The following DNM3 variants were observed in gnomAD, a reference collection of about 807,000 sequenced individuals.
The protein encoded by DNM3 is dynamin-3.
Under a neutral mutation model 101.6 loss-of-function variants are expected in DNM3, and 47 were observed. That is an observed-to-expected ratio of 0.46 (90% CI 0.37 to 0.59). The LOEUF (loss-of-function observed/expected upper bound fraction) is 0.59, where lower values mean the gene tolerates loss of function less well. Among genes scored for constraint, DNM3 ranks in the 20% least tolerant of loss-of-function variants. The pLI is 0.00. For synonymous variants in DNM3, 385 were observed against 387.9 expected (o/e 0.99, Z 0.09); for missense variants, 849 against 1,085.7 (o/e 0.78, Z 3.06).
chr1:172,160,094 G>A (rs1332804042), intron 14 of DNM3, among the ~76,000 whole-genome samples: 2 of 151,876 alleles, frequency 1.3e-5, no homozygotes, highest in Non-Finnish European at 2.9e-5. Context: ...CCTGTAAAGG[G>A]CGTTTACTAT....
intron 1 of DNM3, among the ~76,000 whole-genome samples, chr1:171,873,575 TC>T (rs2035489564): frequency 6.6e-6 from 1 of 152,008 alleles, no homozygotes; most frequent in African/African-American, 2.4e-5. Context: ...ATCAGGCATG[TC>T]CAAGAAGAAG....
At chr1:171,901,487 A>G (rs1242232270) in intron 1 of DNM3, among the ~76,000 whole-genome samples, 1 of 152,146 alleles carries the variant, frequency 6.6e-6, no homozygotes, top group East Asian at 1.9e-4. Flanking sequence ...ATTACAGAGG[A>G]GGAGCAAGGA....
chr1:172,157,778 G>A (rs1016430639), intron 14 of DNM3, among the ~76,000 whole-genome samples: 1 of 151,940 alleles, frequency 6.6e-6, no homozygotes, highest in Admixed American at 6.6e-5. Flanking sequence ...ATGTACATAG[G>A]TTGTATGCAA....
chr1:172,250,070 T>C (rs1465825265), intron 14 of DNM3, among the ~76,000 whole-genome samples: 1 of 152,144 alleles, frequency 6.6e-6, no homozygotes, highest in African/African-American at 2.4e-5. Context: ...CACATAAATT[T>C]TCAAATGTAA....
intron 2 of DNM3, among the ~76,000 whole-genome samples, chr1:171,954,839 A>G (rs750873716): frequency 2.0e-5 from 3 of 152,234 alleles, no homozygotes; most frequent in Non-Finnish European, 4.4e-5. Flanking sequence ...ACATTGTGTT[A>G]TGCAATTTTT....
chr1:172,409,282 C>T lies in DNM3; in HGVS notation c.*1441C>T. 1 of 985,314 alleles carries T rather than the reference C, an allele frequency of 1.0e-6. No individual in the cohort carries two copies. Among genetic ancestry groups the T allele is most frequent in the Non-Finnish European group, 1.2e-6 (1 of 829,862 alleles). The allele number at this position is 985,314 out of a possible 1,614,324, so 61.0% of individuals were successfully genotyped here. On this transcript the variant is annotated 3_prime_UTR_variant, in exon 21 of 21. Coordinates refer to ENST00000627582, the MANE Select transcript of DNM3 (RefSeq NM_015569.5). ...TCAGGTTTCACCAACTGAAATGTCT[C>T]CCTTTGAAAGTAGCAAACATGATTT...
At position 171,841,627 on chromosome 1, in the gene DNM3, G is replaced by T; in HGVS notation, c.-30G>T. The T allele has an allele frequency of 1.3e-6, 2 of 1,596,568 alleles. No individual in the cohort carries two copies. Among genetic ancestry groups the T allele is most frequent in the South Asian group, 1.1e-5 (1 of 87,936 alleles). ...CTGTCAGGTCGTAGAGGCGAGCAGG[G>T]ACCAGCTGGTCGCCGGCCCCTCGGG... On this transcript the variant is annotated 5_prime_UTR_variant, in exon 1 of 21. Coordinates refer to ENST00000627582, the MANE Select transcript of DNM3 (RefSeq NM_015569.5).
intron 14 of DNM3, among the ~76,000 whole-genome samples, chr1:172,235,536 C>T (rs2061505919): frequency 1.3e-5 from 2 of 152,100 alleles, no homozygotes; most frequent in South Asian, 4.1e-4. Context: ...GCTGTAAAGA[C>T]ACAGGCAGAC....
chr1:172,286,326 C>T (rs2063701254), intron 15 of DNM3, among the ~76,000 whole-genome samples: 1 of 152,140 alleles, frequency 6.6e-6, no homozygotes, highest in South Asian at 2.1e-4. Flanking sequence ...ATGAGACAGA[C>T]TGAGAATAAT....
At chr1:172,207,695 A>G (rs1005861453) in intron 14 of DNM3, among the ~76,000 whole-genome samples, 1 of 152,116 alleles carries the variant, frequency 6.6e-6, no homozygotes, top group Admixed American at 6.6e-5. Flanking sequence ...TTATTAATGA[A>G]TGCTTAGATT....
rs915800173 is a variant in DNM3, at chr1:172,354,016, A to G, written c.1894-25002A>G. On this transcript the variant is annotated intron_variant, in intron 17 of 20. Coordinates refer to ENST00000627582, the MANE Select transcript of DNM3 (RefSeq NM_015569.5). The stretch of plus-strand genomic sequence containing the variant: ...CTCGTGGTTCACGGAGAGCTTTGTA[A>G]GGATCAGTAACTTCTCCGAAATAGG... Among the ~76,000 whole-genome samples the G allele has an allele frequency of 2.0e-5, 3 of 151,060 alleles. No individual in the cohort carries two copies. In the East Asian group the frequency reaches 5.9e-4, roughly 30 times the overall value.
intron 14 of DNM3, among the ~76,000 whole-genome samples, chr1:172,221,442 T>A (rs1317403627): frequency 1.3e-5 from 2 of 152,120 alleles, no homozygotes; most frequent in African/African-American, 2.4e-5. Flanking sequence ...AATACCATAG[T>A]CTAGGTGGTG....
intron 2 of DNM3, among the ~76,000 whole-genome samples, chr1:171,962,151 A>T (rs1020444341): frequency 6.6e-6 from 1 of 152,212 alleles, no homozygotes; most frequent in Non-Finnish European, 1.5e-5. Context: ...CCATGAATCC[A>T]TTAATCCAAG....
intron 17 of DNM3, among the ~76,000 whole-genome samples, chr1:172,371,221 G>A (rs1227337920): frequency 3.9e-5 from 6 of 151,902 alleles, no homozygotes; most frequent in Admixed American, 3.9e-4. Flanking sequence ...AAATGTCAGG[G>A]CTGACAACTG....
downstream of DNM3, among the ~76,000 whole-genome samples, chr1:172,413,657 A>C (rs950159305): frequency 1.3e-5 from 2 of 152,228 alleles, no homozygotes; most frequent in Non-Finnish European, 2.9e-5. Flanking sequence ...TCCCTTATCA[A>C]TTGACATATT....
rs192897693 is a variant in DNM3, at chr1:171,897,630, A to G, written c.162-24118A>G. Among the ~76,000 whole-genome samples, 301 of 152,318 alleles carry G rather than the reference A, an allele frequency of 2.0e-3. 5 individuals are homozygous for G. Among genetic ancestry groups the G allele is most frequent in the South Asian group, 0.018 (87 of 4,832 alleles). ...CATGCTATGCCATAGTGAATGCTTAATGAATACATGCCAAATAAATAAAAA... is the reference window on the plus strand; with the variant it reads ...CATGCTATGCCATAGTGAATGCTTAGTGAATACATGCCAAATAAATAAAAA... On this transcript the variant is annotated intron_variant, in intron 1 of 20. Transcript: ENST00000627582.
At chr1:172,147,834 C>A (rs1444356646) in intron 14 of DNM3, among the ~76,000 whole-genome samples, 1 of 152,058 alleles carries the variant, frequency 6.6e-6, no homozygotes, top group Non-Finnish European at 1.5e-5. Flanking sequence ...ACTTCTTAAC[C>A]CTTTCTGTCT....
intron 1 of DNM3, among the ~76,000 whole-genome samples, chr1:171,912,724 C>T (rs2039407546): frequency 6.6e-6 from 1 of 152,300 alleles, no homozygotes; most frequent in African/African-American, 2.4e-5. Flanking sequence ...GTCATGTGGA[C>T]ACCCCATTTG....
At chr1:172,377,158 C>T (rs1050942587) in intron 17 of DNM3, among the ~76,000 whole-genome samples, 10 of 151,668 alleles carry the variant, frequency 6.6e-5, no homozygotes, top group Non-Finnish European at 1.2e-4. Flanking sequence ...TTTCTTAATA[C>T]CTAAGGAAAA....
Sources: gnomAD v4.1 joint callset for allele counts (sites outside exome capture counted in the v4.1 genomes callset) on GRCh38, gnomAD v4.1.1 for gene constraint, MANE v1.5 for transcripts, NCBI Gene and HGNC (gene_info 2026-07-23, HGNC 2026-07-21) for gene names.